USP32: variants seen among roughly 807,000 people sequenced by gnomAD.
USP32 encodes the protein ubiquitin carboxyl-terminal hydrolase 32.
In USP32, 59 loss-of-function variants were observed where a neutral mutation model predicts 204.8. The ratio of observed to expected loss-of-function variants is 0.29; its 90% CI spans 0.23 to 0.36. The LOEUF (loss-of-function observed/expected upper bound fraction) is 0.36. Among genes scored for constraint, USP32 ranks in the 10% least tolerant of loss-of-function variants. The pLI is 1.00. For synonymous variants in USP32, 517 were observed against 678.4 expected (o/e 0.76, Z 3.70); for missense variants, 1,160 against 1,946.4 (o/e 0.60, Z 7.60).
chr17:60,270,679 C>T (rs1288636715), intron 6 of USP32, among the ~76,000 whole-genome samples: 1 of 151,844 alleles, frequency 6.6e-6, no homozygotes, highest in Non-Finnish European at 1.5e-5. Flanking sequence ...CAAAATTAGC[C>T]GGGCATGGTG....
intron 30 of USP32, among the ~76,000 whole-genome samples, chr17:60,184,740 G>A (rs1012303245): frequency 6.6e-6 from 1 of 150,860 alleles, no homozygotes; most frequent in Admixed American, 6.6e-5. Context: ...AGCCCGAGAG[G>A]TGGAGGTTGC....
intron 1 of USP32, among the ~76,000 whole-genome samples, chr17:60,348,135 G>A (rs1175196867): frequency 2.0e-5 from 3 of 151,268 alleles, no homozygotes; most frequent in East Asian, 2.0e-4. Flanking sequence ...AAAAAAAAAA[G>A]AGTAAGTCAG....
intron 1 of USP32, among the ~76,000 whole-genome samples, chr17:60,420,675 C>T (rs975509523): frequency 6.6e-6 from 1 of 152,042 alleles, no homozygotes; most frequent in Non-Finnish European, 1.5e-5. Context: ...CAAAAACAAA[C>T]AACAAACAAA....
chr17:60,373,304 G>C (rs2089477131), intron 1 of USP32, among the ~76,000 whole-genome samples: 1 of 152,126 alleles, frequency 6.6e-6, no homozygotes, highest in Non-Finnish European at 1.5e-5. Context: ...GAGAGACTTA[G>C]GGGTGAGTCA....
intron 1 of USP32, among the ~76,000 whole-genome samples, chr17:60,386,283 G>A (rs1224774100): frequency 6.6e-6 from 1 of 151,350 alleles, no homozygotes; most frequent in South Asian, 2.1e-4. Context: ...CATGCTTCCC[G>A]GATACAGTAT....
intron 12 of USP32, among the ~76,000 whole-genome samples, chr17:60,226,794 C>A (rs1046556629): frequency 3.3e-5 from 5 of 151,956 alleles, no homozygotes; most frequent in Non-Finnish European, 7.4e-5. Flanking sequence ...AATAACTGAA[C>A]ACACCTTTAA....
At chr17:60,362,970 G>A (rs1317614002) in intron 1 of USP32, among the ~76,000 whole-genome samples, 1 of 151,770 alleles carries the variant, frequency 6.6e-6, no homozygotes, top group African/African-American at 2.4e-5. Flanking sequence ...AATAAATGTT[G>A]CATCTAATCC....
intron 1 of USP32, among the ~76,000 whole-genome samples, chr17:60,387,246 A>G (rs1366435578): frequency 6.6e-6 from 1 of 152,234 alleles, no homozygotes; most frequent in African/African-American, 2.4e-5. Context: ...ACAAAATCTT[A>G]GTTGGGAGTC....
At chr17:60,270,973 C>T (rs945535951) in intron 6 of USP32, among the ~76,000 whole-genome samples, 2 of 152,014 alleles carry the variant, frequency 1.3e-5, no homozygotes, top group African/African-American at 2.4e-5. Flanking sequence ...GTAGAGGCAC[C>T]CTACTGGAGG....
rs75491215 is a variant in USP32 at position 60,321,104 on chromosome 17, A to G, written c.187-19400T>C. ...TCGGAGATCCAGGGAAATAGAAAGT[A>G]AAAAGAATATTGAGGAGAGGAAGAA... On this transcript the variant is annotated intron_variant, in intron 2 of 33. Transcript: ENST00000300896. Among the ~76,000 whole-genome samples the G allele has an allele frequency of 6.6e-3, 1,000 of 152,308 alleles. 9 individuals are homozygous for G. Among genetic ancestry groups the G allele is most frequent in the African/African-American group, 0.023 (944 of 41,564 alleles).
Position 60,392,033 on chromosome 17 carries a change from T to TGTCGGC in USP32, c.-100_-95dup. 1.4e-6 allele frequency: 2 copies of TGTCGGC among 1,381,948 alleles called. No homozygotes were observed. Among genetic ancestry groups the TGTCGGC allele is most frequent in the Non-Finnish European group, 1.9e-6 (2 of 1,026,368 alleles). 85.6% of individuals were successfully genotyped at this position (1,381,948 alleles called of 1,614,324 possible). On this transcript the variant is annotated 5_prime_UTR_variant, in exon 1 of 34. Transcript: ENST00000300896. ...CGGCGTCCCTGGGTGACGGTGACGGTGTCGGCGTCCCCCGCCCCCACCTCC... is the reference window on the plus strand; with the variant it reads ...CGGCGTCCCTGGGTGACGGTGACGGTGTCGGCGTCGGCGTCCCCCGCCCCCACCTCC...
At chr17:60,257,333 C>T (rs2086335863) in intron 9 of USP32, among the ~76,000 whole-genome samples, 1 of 152,112 alleles carries the variant, frequency 6.6e-6, no homozygotes, top group African/African-American at 2.4e-5. Flanking sequence ...ATCACATGTG[C>T]CAATTGGGGG....
At chr17:60,272,998 T>C (rs967249422) in intron 5 of USP32, among the ~76,000 whole-genome samples, 1 of 152,172 alleles carries the variant, frequency 6.6e-6, no homozygotes, top group African/African-American at 2.4e-5. Flanking sequence ...AGACAGAATC[T>C]CACTCTGTCG....
chr17:60,329,659 C>T (rs559574664), intron 2 of USP32, among the ~76,000 whole-genome samples: 28 of 152,124 alleles, frequency 1.8e-4, no homozygotes, highest in African/African-American at 6.7e-4. Context: ...CTCCCTTCCT[C>T]AACTCTTAAA....
intron 13 of USP32, among the ~76,000 whole-genome samples, chr17:60,224,017 A>G (rs1415283603): frequency 3.3e-5 from 5 of 152,196 alleles, no homozygotes; most frequent in Non-Finnish European, 7.4e-5. Flanking sequence ...AAGAACTCCA[A>G]CAAAAGAGTA....
At chr17:60,339,501 T>G (rs1343764020) in intron 2 of USP32, among the ~76,000 whole-genome samples, 2 of 149,616 alleles carry the variant, frequency 1.3e-5, no homozygotes, top group Admixed American at 6.7e-5. Context: ...GAGAATTGCT[T>G]GAAACTGGGA....
At chr17:60,399,621 C>A (rs1567896536) in intron 1 of USP32, among the ~76,000 whole-genome samples, 2 of 151,974 alleles carry the variant, frequency 1.3e-5, no homozygotes, top group Non-Finnish European at 2.9e-5. Flanking sequence ...CATGATCACA[C>A]CACTGCACTC....
rs533686132 is a variant in USP32, at chr17:60,267,348, G to C, written c.812-1257C>G. On this transcript the variant is annotated intron_variant, in intron 7 of 33. Transcript: ENST00000300896. ...GAACCCGGGAGGCGGAGGTTGCAGT[G>C]ATCCAAGATCGTGCCCCTGCACTCC... Among the ~76,000 whole-genome samples, 17 of 152,046 alleles carry C rather than the reference G, an allele frequency of 1.1e-4. No individual in the cohort carries two copies. In the East Asian group the frequency reaches 3.4e-3, roughly 30 times the overall value.
At position 60,407,385 on chromosome 17, in the gene USP32, T is replaced by C. The variant is rs80123555; in HGVS notation, c.106+14861A>G. On this transcript the variant is annotated intron_variant, in intron 1 of 3. Coordinates refer to the USP32 transcript ENST00000588898. Reference sequence around the variant, plus strand: ...TAGGAAACATACAAATTATGACCAATTGGAGTAGAAATAACTTAGTGACCT... The same window carrying C: ...TAGGAAACATACAAATTATGACCAACTGGAGTAGAAATAACTTAGTGACCT... Among the ~76,000 whole-genome samples the C allele has an allele frequency of 1.9e-3, 284 of 152,168 alleles. 7 individuals carry two copies. The East Asian group carries it at 0.052, about 28-fold the overall frequency.
Sources: gnomAD v4.1 joint callset for allele counts (sites outside exome capture counted in the v4.1 genomes callset) on GRCh38, gnomAD v4.1.1 for gene constraint, MANE v1.5 for transcripts, NCBI Gene and HGNC (gene_info 2026-07-23, HGNC 2026-07-21) for gene names.